CEP112: variants seen among roughly 807,000 people sequenced by gnomAD.
The protein encoded by CEP112 is centrosomal protein of 112 kDa.
CEP112 carries 127 observed loss-of-function variants against 153.0 expected under a neutral mutation model. The ratio of observed to expected loss-of-function variants is 0.83; its 90% confidence interval spans 0.72 to 0.96. The LOEUF is 0.96. CEP112 is among the 40% of genes least tolerant of loss of function. The probability of loss-of-function intolerance (pLI) is 0.00; values close to 1 mark genes in which losing one functional copy is unlikely to be tolerated. For missense variants in CEP112, 1,089 were observed against 1,101.2 expected (o/e 0.99, Z 0.16); for synonymous variants, 358 against 374.4 (o/e 0.96, Z 0.51).
Position 66,182,034 on chromosome 17 carries a change from T to C in CEP112, c.106+1160A>G, listed in dbSNP as rs572112037. The C allele has an allele frequency of 5.3e-5, 8 of 152,322 alleles. No individual in the cohort carries two copies. The East Asian group carries it at 9.7e-4, about 18-fold the overall frequency. 9.4% of individuals were successfully genotyped at this position (152,322 alleles called of 1,614,324 possible). On this transcript the variant is annotated intron_variant, in intron 2 of 26. Coordinates refer to ENST00000535342, the MANE Select transcript of CEP112 (RefSeq NM_001199165.4). ...CACGGAATGCATAATTTATATATCA[T>C]ACTCCCTTCTCCTAACACAGCTCCC...
chr17:65,963,338 G>T (rs572479500), intron 17 of CEP112, among the ~76,000 whole-genome samples: 11 of 152,270 alleles, frequency 7.2e-5, no homozygotes, highest in African/African-American at 2.4e-4. Flanking sequence ...GGGGAGAAAA[G>T]ACATTTCTAA....
chr17:66,170,195 C>G (rs2146831843), intron 4 of CEP112, among the ~76,000 whole-genome samples: 1 of 152,246 alleles, frequency 6.6e-6, no homozygotes. Context: ...GACCTGCCCA[C>G]ACTCAAGGGG....
At chr17:65,913,400 G>A (rs1375355824) in intron 19 of CEP112, 2 of 645,736 alleles carry the variant, frequency 3.1e-6, no homozygotes, top group African/African-American at 4.0e-5. Context: ...AGTCCTTGGA[G>A]TCAGAGTAAA....
chr17:65,748,034 T>A (rs2051581621), intron 22 of CEP112, among the ~76,000 whole-genome samples: 1 of 152,176 alleles, frequency 6.6e-6, no homozygotes, highest in Admixed American at 6.5e-5. Flanking sequence ...AGTTAGAGAT[T>A]CCAACAAACT....
At chr17:65,955,322 T>C (rs2144685476) in intron 18 of CEP112, among the ~76,000 whole-genome samples, 1 of 152,250 alleles carries the variant, frequency 6.6e-6, no homozygotes, top group South Asian at 2.1e-4. Flanking sequence ...CGGAGAGAAT[T>C]CGCCAATACA....
At chr17:65,778,914 C>A (rs1217033044) in intron 21 of CEP112, among the ~76,000 whole-genome samples, 3 of 152,028 alleles carry the variant, frequency 2.0e-5, no homozygotes, top group Non-Finnish European at 2.9e-5. Context: ...GCAGGAGGAT[C>A]ATTTGAGCCC....
chr17:65,889,864 G>C (rs1347798965), intron 20 of CEP112, among the ~76,000 whole-genome samples: 6 of 151,940 alleles, frequency 3.9e-5, no homozygotes, highest in Non-Finnish European at 7.4e-5. Flanking sequence ...TCTCTCGCGA[G>C]GGTGACTCTA....
In CEP112 at chr17:65,966,002, G is replaced by A. The variant is rs568514461; in HGVS notation, c.1737-4404C>T. Among the ~76,000 whole-genome samples the A allele has an allele frequency of 1.3e-3, 203 of 151,412 alleles. 3 individuals are homozygous for A. In the Middle Eastern group the frequency reaches 0.031, roughly 23 times the overall value. On this transcript the variant is annotated intron_variant, in intron 17 of 26. Coordinates refer to ENST00000535342, the MANE Select transcript of CEP112 (RefSeq NM_001199165.4). ...TCCTTTTTACCATGATCCCAATAGT[G>A]CATCCTGAAAGAAGGAGGAAAAAAG...
chr17:65,977,707 G>A (rs1032796474), intron 17 of CEP112, among the ~76,000 whole-genome samples: 1 of 152,158 alleles, frequency 6.6e-6, no homozygotes, highest in Non-Finnish European at 1.5e-5. Context: ...TTGGGAAGCC[G>A]AGGTGGGAGG....
At chr17:65,678,814 G>A (rs1469956883) in intron 24 of CEP112, among the ~76,000 whole-genome samples, 1 of 152,046 alleles carries the variant, frequency 6.6e-6, no homozygotes, top group Non-Finnish European at 1.5e-5. Flanking sequence ...AAAACATGCA[G>A]CAAGCACATA....
intron 6 of CEP112, among the ~76,000 whole-genome samples, chr17:66,117,473 TTAAC>T (rs1235635823): frequency 6.6e-6 from 1 of 152,158 alleles, no homozygotes; most frequent in Non-Finnish European, 1.5e-5. Context: ...GCAGAATATA[TTAAC>T]TTTTTGAATT....
intron 6 of CEP112, among the ~76,000 whole-genome samples, chr17:66,100,268 T>TG (rs2068513384): frequency 6.6e-6 from 1 of 151,486 alleles, no homozygotes; most frequent in African/African-American, 2.4e-5. Flanking sequence ...GGCGTGGTGG[T>TG]GGCAGCCTGT....
chr17:65,779,832 G>T (rs2053900348), intron 21 of CEP112, among the ~76,000 whole-genome samples: 1 of 152,112 alleles, frequency 6.6e-6, no homozygotes, highest in Admixed American at 6.5e-5. Context: ...GTGTTGTAGT[G>T]TATGCTTATC....
At chr17:65,848,000 G>A (rs1218562012) in intron 21 of CEP112, among the ~76,000 whole-genome samples, 2 of 152,174 alleles carry the variant, frequency 1.3e-5, no homozygotes, top group Admixed American at 6.5e-5. Context: ...AGGTAGGCCT[G>A]TGCTGCGTCT....
intron 24 of CEP112, among the ~76,000 whole-genome samples, chr17:65,673,860 A>G (rs1307594193): frequency 6.6e-6 from 1 of 152,222 alleles, no homozygotes; most frequent in African/African-American, 2.4e-5. Context: ...TGATTAACAT[A>G]CAGACTATGT....
intron 21 of CEP112, among the ~76,000 whole-genome samples, chr17:65,816,244 G>A (rs1042414256): frequency 2.1e-4 from 32 of 151,902 alleles, no homozygotes; most frequent in African/African-American, 7.7e-4. Flanking sequence ...TACTCACAAA[G>A]TTGTACAACC....
intron 21 of CEP112, among the ~76,000 whole-genome samples, chr17:65,789,448 C>T (rs191691088): frequency 1.8e-3 from 276 of 152,242 alleles, no homozygotes; most frequent in Admixed American, 4.8e-3. Context: ...ATTTTCATTG[C>T]TTCTTAGCAA....
intron 17 of CEP112, among the ~76,000 whole-genome samples, chr17:65,977,275 C>T (rs1405733509): frequency 6.6e-6 from 1 of 152,114 alleles, no homozygotes; most frequent in African/African-American, 2.4e-5. Flanking sequence ...GCGTATGGCC[C>T]GTAGTGGCTG....
At chr17:65,872,479 C>T (rs1190521858) in intron 20 of CEP112, among the ~76,000 whole-genome samples, 1 of 152,200 alleles carries the variant, frequency 6.6e-6, no homozygotes, top group Non-Finnish European at 1.5e-5. Flanking sequence ...TCATTATATT[C>T]TTGCATCTGG....
Sources: gnomAD v4.1 joint callset for allele counts (sites outside exome capture counted in the v4.1 genomes callset) on GRCh38, gnomAD v4.1.1 for gene constraint, MANE v1.5 for transcripts, NCBI Gene and HGNC (gene_info 2026-07-23, HGNC 2026-07-21) for gene names.